MYO3A: variants seen among roughly 807,000 people sequenced by gnomAD.
MYO3A encodes the protein myosin-IIIa.
A neutral mutation model predicts 192.7 loss-of-function variants in MYO3A; 180 were observed. That is an observed-to-expected ratio of 0.93 (90% CI 0.83 to 1.06). The LOEUF is 1.06. Ranked by LOEUF, MYO3A falls within the 50% of genes least tolerant of loss-of-function variation. The probability of loss-of-function intolerance (pLI) is 0.00; values close to 1 mark genes in which losing one functional copy is unlikely to be tolerated. For missense variants in MYO3A, 1,896 were observed against 1,905.0 expected, an observed-to-expected ratio of 1.00 and a Z score of 0.09; for synonymous variants, 628 against 645.3, an observed-to-expected ratio of 0.97 and a Z score of 0.41.
At chr10:26,128,121 A>G (rs1839320178) in intron 19 of MYO3A, among the ~76,000 whole-genome samples, 2 of 152,164 alleles carry the variant, frequency 1.3e-5, no homozygotes, top group African/African-American at 4.8e-5. Flanking sequence ...TTAGGAGAAG[A>G]AAAAGTTTCT....
chr10:26,024,032 C>G lies in MYO3A; in HGVS notation c.742C>G (p.Pro248Ala). ...ALFKIPRNPP[P>A]KLRQPELWSA... is the part of the protein sequence containing the mutation. ...TTCTTATTTTTCTAGGAATCCACCC[C>G]CAAAACTAAGGCAGCCTGAGCTATG... is the stretch of plus-strand genomic sequence containing the variant. The change falls in exon 9 of 35, where the codon CCA becomes GCA. Residue 248 changes from proline to alanine, a missense_variant. Transcript: ENST00000642920. 3 of 1,612,890 alleles carry G rather than the reference C, an allele frequency of 1.9e-6. No homozygotes were observed. The highest frequency in any genetic ancestry group is 8.5e-7 in the Non-Finnish European group (1 of 1,179,044).
chr10:25,939,163 T>C (rs1332742456), intron 2 of MYO3A, among the ~76,000 whole-genome samples: 1 of 152,078 alleles, frequency 6.6e-6, no homozygotes, highest in Non-Finnish European at 1.5e-5. Flanking sequence ...TTTAGATTTA[T>C]TAATATAAAA....
intron 20 of MYO3A, among the ~76,000 whole-genome samples, chr10:26,137,515 C>T (rs111752306): frequency 0.015 from 2,340 of 152,234 alleles, 38 homozygotes; most frequent in Middle Eastern, 0.037. Context: ...GATTGTAAAA[C>T]GTGTGTTTGA....
At chr10:26,023,844 G>C (rs750803243) in intron 8 of MYO3A, among the ~76,000 whole-genome samples, 178 bp from the exon 9 acceptor site, 1 of 152,144 alleles carries the variant, frequency 6.6e-6, no homozygotes, top group Non-Finnish European at 1.5e-5. Context: ...AACAAAGACC[G>C]TGTCATTTTG....
intron 17 of MYO3A, among the ~76,000 whole-genome samples, chr10:26,108,078 TGTAACAAA>T (rs1232248464): frequency 6.6e-6 from 1 of 152,220 alleles, no homozygotes; most frequent in Non-Finnish European, 1.5e-5. Context: ...TTTTAATTTT[TGTAACAAA>T]GTATCGTGTT....
At chr10:25,955,172 A>T (rs1039406672) in intron 4 of MYO3A, among the ~76,000 whole-genome samples, 164 bp downstream of exon 4, 6 of 152,190 alleles carry the variant, frequency 3.9e-5, no homozygotes, top group African/African-American at 1.2e-4. Flanking sequence ...CTTAAGAAAC[A>T]TCAAAAAATT....
At chr10:26,161,184 C>G (rs926027432) in intron 26 of MYO3A, among the ~76,000 whole-genome samples, 4 of 152,132 alleles carry the variant, frequency 2.6e-5, no homozygotes, top group African/African-American at 9.7e-5. Flanking sequence ...GGCATAGACT[C>G]TTAGGAAGGC....
chr10:26,042,199 C>T (rs914813612), intron 10 of MYO3A, among the ~76,000 whole-genome samples: 1 of 152,064 alleles, frequency 6.6e-6, no homozygotes, highest in African/African-American at 2.4e-5. Context: ...TGTATTGGAG[C>T]TCCCTTTTAT....
intron 4 of MYO3A, among the ~76,000 whole-genome samples, chr10:25,993,740 T>A (rs143080930): frequency 8.9e-4 from 136 of 152,288 alleles, no homozygotes; most frequent in Non-Finnish European, 2.8e-4. Context: ...TTCAAAGAAC[T>A]TCTTTATTTC....
chr10:26,161,458 G>T (rs1841482471), intron 26 of MYO3A, among the ~76,000 whole-genome samples: 1 of 152,160 alleles, frequency 6.6e-6, no homozygotes, highest in Non-Finnish European at 1.5e-5. Flanking sequence ...GTACATAATG[G>T]TTTGGCTACC....
intron 4 of MYO3A, among the ~76,000 whole-genome samples, chr10:25,976,687 C>G (rs972377402): frequency 2.0e-5 from 3 of 152,056 alleles, no homozygotes; most frequent in Non-Finnish European, 2.9e-5. Context: ...ATTAGTGTAG[C>G]TCTAGCTTAG....
intron 4 of MYO3A, among the ~76,000 whole-genome samples, chr10:25,993,990 T>C (rs549148262): frequency 9.8e-5 from 15 of 152,286 alleles, no homozygotes; most frequent in Admixed American, 2.0e-4. Context: ...GTATATTCTG[T>C]TGATTTGGGG....
intron 17 of MYO3A, among the ~76,000 whole-genome samples, chr10:26,113,006 A>T (rs1397972449): frequency 1.3e-5 from 2 of 152,040 alleles, no homozygotes; most frequent in African/African-American, 2.4e-5. Flanking sequence ...TTTCTGTTTT[A>T]ATTGCGCTTT....
chr10:25,994,783 G>A (rs1163390661), intron 4 of MYO3A, among the ~76,000 whole-genome samples: 1 of 152,130 alleles, frequency 6.6e-6, no homozygotes, highest in Non-Finnish European at 1.5e-5. Context: ...TAATTTGGCT[G>A]GATATGAAAT....
chr10:26,154,850 T>C (rs776215959), intron 25 of MYO3A, 27 bp downstream of exon 25: 1 of 1,567,460 alleles, frequency 6.4e-7, no homozygotes, highest in Non-Finnish European at 8.7e-7. Context: ...TGATGTATTG[T>C]GCTTAGGGGT....
At chr10:26,086,561 C>A (rs1376823965) in intron 14 of MYO3A, among the ~76,000 whole-genome samples, 1 of 151,902 alleles carries the variant, frequency 6.6e-6, no homozygotes, top group Non-Finnish European at 1.5e-5. Flanking sequence ...GACCTAGTGG[C>A]TTAATATAAC....
intron 20 of MYO3A, among the ~76,000 whole-genome samples, chr10:26,134,398 C>G (rs2131791832): frequency 6.6e-6 from 1 of 152,126 alleles, no homozygotes; most frequent in East Asian, 1.9e-4. Flanking sequence ...ATAGAAAATA[C>G]AGGAAGAAAT....
At chr10:26,052,249 A>G (rs1203761250) in intron 10 of MYO3A, among the ~76,000 whole-genome samples, 1 of 152,184 alleles carries the variant, frequency 6.6e-6, no homozygotes, top group Non-Finnish European at 1.5e-5. Context: ...CCTTCTTTCC[A>G]ACATTGCTAC....
rs747422755 is a variant in MYO3A, at chr10:26,128,562, A to C, written c.2262+24A>C. ...AGGTAAGTCTAAGTACTTACTATAA[A>C]TATGCATGCATGCATGTATTATAGG... is the stretch of plus-strand genomic sequence containing the variant. On this transcript the variant is annotated intron_variant, in intron 20 of 34. Transcript: ENST00000642920. 2.5e-6 allele frequency: 4 copies of C among 1,585,994 alleles called. No individual in the cohort carries two copies. The South Asian group carries it at 3.3e-5, about 13-fold the overall frequency.
Sources: gnomAD v4.1 joint callset for allele counts (sites outside exome capture counted in the v4.1 genomes callset) on GRCh38, gnomAD v4.1.1 for gene constraint, MANE v1.5 for transcripts, NCBI Gene and HGNC (gene_info 2026-07-23, HGNC 2026-07-21) for gene names.